The following DTNBP1 variants were observed in gnomAD, a reference collection of about 807,000 sequenced individuals.
DTNBP1 encodes the protein dystrobrevin binding protein 1.
DTNBP1 carries 35 observed loss-of-function variants against 42.8 expected under a neutral mutation model. The ratio of observed to expected loss-of-function variants is 0.82; its 90% CI spans 0.63 to 1.09. The LOEUF (loss-of-function observed/expected upper bound fraction) is 1.09, where lower values mean the gene tolerates loss of function less well. Among genes scored for constraint, DTNBP1 ranks in the 50% least tolerant of loss-of-function variants. DTNBP1 has a pLI of 0.00. For missense variants in DTNBP1, 457 were observed against 424.2 expected, an observed-to-expected ratio of 1.08 and a Z score of -0.68; for synonymous variants, 171 against 162.2, an observed-to-expected ratio of 1.05 and a Z score of -0.41.
At chr6:15,565,052 G>A (rs1237919450) in intron 7 of DTNBP1, among the ~76,000 whole-genome samples, 3 of 152,202 alleles carry the variant, frequency 2.0e-5, no homozygotes, top group African/African-American at 7.2e-5. Context: ...GCTTCAGTGA[G>A]CAGAGATGGC....
intron 8 of DTNBP1, among the ~76,000 whole-genome samples, chr6:15,528,122 T>G (rs998154789): frequency 2.0e-5 from 3 of 152,122 alleles, no homozygotes; most frequent in African/African-American, 7.2e-5. Context: ...GTCAACAAAC[T>G]TGAAACTGTA....
intron 7 of DTNBP1, among the ~76,000 whole-genome samples, chr6:15,575,440 C>T (rs1408186491): frequency 6.6e-6 from 1 of 152,218 alleles, no homozygotes; most frequent in Non-Finnish European, 1.5e-5. Flanking sequence ...GACCACAGAA[C>T]AACTTCTCTT....
At chr6:15,524,866 T>C (rs113096470) in intron 8 of DTNBP1, among the ~76,000 whole-genome samples, 197 bp from the exon 9 acceptor site, 1 of 101,846 alleles carries the variant, frequency 9.8e-6, no homozygotes, top group African/African-American at 5.4e-5. Context: ...GCAACTATTA[T>C]TACCTTTTAC....
intron 7 of DTNBP1, among the ~76,000 whole-genome samples, chr6:15,583,811 G>A (rs1405596823): frequency 6.6e-6 from 1 of 152,052 alleles, no homozygotes; most frequent in Non-Finnish European, 1.5e-5. Flanking sequence ...ATACAATGGT[G>A]GTATATGATC....
intron 6 of DTNBP1, among the ~76,000 whole-genome samples, chr6:15,608,529 T>C (rs959083586): frequency 6.6e-6 from 1 of 152,176 alleles, no homozygotes; most frequent in Non-Finnish European, 1.5e-5. Context: ...TCCCTAGAAA[T>C]TCCCTTGGTG....
At chr6:15,659,077 T>TA (rs1310714990) in intron 1 of DTNBP1, among the ~76,000 whole-genome samples, 1 of 152,236 alleles carries the variant, frequency 6.6e-6, no homozygotes, top group East Asian at 1.9e-4. Context: ...ACACTGCCCT[T>TA]AAAGAACAAT....
chr6:15,549,186 CT>C (rs775142389), intron 7 of DTNBP1, among the ~76,000 whole-genome samples: 27 of 152,076 alleles, frequency 1.8e-4, no homozygotes, highest in Non-Finnish European at 3.4e-4. Flanking sequence ...TGATTTTCTT[CT>C]TTTTAAAGGG....
chr6:15,623,613 G>GA (rs1759168774), intron 5 of DTNBP1, among the ~76,000 whole-genome samples: 1 of 152,012 alleles, frequency 6.6e-6, no homozygotes, highest in Non-Finnish European at 1.5e-5. Context: ...TAGATGAAGG[G>GA]AACAGTCTTT....
In DTNBP1 at chr6:15,524,543, A is replaced by C. The variant is rs766081795; in HGVS notation, c.794T>G (p.Val265Gly). The C allele has an allele frequency of 6.2e-7, 1 of 1,609,628 alleles. No homozygotes were observed. The highest frequency in any genetic ancestry group is 8.5e-7 in the Non-Finnish European group (1 of 1,177,180). Reference protein sequence around the residue: ...FLNSGGEENTVLSPALGPESS... With the variant: ...FLNSGGEENTGLSPALGPESS... ...AACCCTACCTAAGGCGGGGGACAGC[A>C]CAGTGTTCTCTTCTCCTCCAGAGTT... The change falls in exon 9 of 10, where the codon GTG becomes GGG. Residue 265 changes from valine to glycine, a missense_variant. Transcript: ENST00000344537.
intron 7 of DTNBP1, among the ~76,000 whole-genome samples, chr6:15,535,380 G>A (rs144024181): frequency 2.1e-4 from 32 of 152,206 alleles, no homozygotes; most frequent in African/African-American, 6.5e-4. Flanking sequence ...ACAGTGGTGC[G>A]ATCTCAGTTC....
At chr6:15,594,069 T>C (rs1271873087) in intron 6 of DTNBP1, among the ~76,000 whole-genome samples, 1 of 152,240 alleles carries the variant, frequency 6.6e-6, no homozygotes, top group Non-Finnish European at 1.5e-5. Context: ...TTAAATCAGA[T>C]GGTCATCCCA....
At position 15,615,545 on chromosome 6, in the gene DTNBP1, TAAA is replaced by T. The variant is rs759728709; in HGVS notation, c.356-149_356-147del. The T allele has an allele frequency of 5.9e-4, 580 of 988,630 alleles. 1 individual carries two copies. The highest frequency in any genetic ancestry group is 8.2e-4 in the Non-Finnish European group (540 of 659,200). 61.2% of individuals were successfully genotyped at this position (988,630 alleles called of 1,614,324 possible). ...TTTATTAAACTTTCTTGAAGCAAAA[TAAA>T]ATATACTGGCCAACATTAAACCATA... is the stretch of plus-strand genomic sequence containing the variant. On this transcript the variant is annotated intron_variant, in intron 5 of 9. Transcript: ENST00000344537.
chr6:15,552,750 G>A (rs189638568), intron 7 of DTNBP1, among the ~76,000 whole-genome samples: 55 of 152,296 alleles, frequency 3.6e-4, no homozygotes, highest in African/African-American at 1.3e-3. Context: ...ACTGTGATGT[G>A]ATAATGTCCT....
intron 7 of DTNBP1, among the ~76,000 whole-genome samples, chr6:15,536,638 C>T (rs1445893411): frequency 6.6e-6 from 1 of 152,224 alleles, no homozygotes; most frequent in East Asian, 1.9e-4. Context: ...GGGACACAGC[C>T]CTCATGGAGA....
chr6:15,606,464 C>G (rs901172840), intron 6 of DTNBP1, among the ~76,000 whole-genome samples: 1 of 152,156 alleles, frequency 6.6e-6, no homozygotes, highest in East Asian at 1.9e-4. Context: ...GGTTCTGATG[C>G]TGGCCCCTAA....
At position 15,626,925 on chromosome 6, in the gene DTNBP1, C is replaced by T. The variant is rs190883195; in HGVS notation, c.355+418G>A. Among the ~76,000 whole-genome samples, 28 of 152,174 alleles carry T rather than the reference C, an allele frequency of 1.8e-4. No homozygotes were observed. In the East Asian group the frequency reaches 3.1e-3, roughly 17 times the overall value. ...AACCAGGTTTGTTTGATCTCCAATC[C>T]GTTTGAAGAGAAAAAAATACACTAC... On this transcript the variant is annotated intron_variant, in intron 5 of 9. Coordinates refer to ENST00000344537, the MANE Select transcript of DTNBP1 (RefSeq NM_032122.5).
intron 6 of DTNBP1, among the ~76,000 whole-genome samples, chr6:15,598,638 C>G (rs921328043): frequency 5.8e-5 from 7 of 121,710 alleles, no homozygotes; most frequent in Non-Finnish European, 8.0e-5. Context: ...AGTCAGAGGT[C>G]TGTTGTTTTC....
chr6:15,585,629 C>T (rs1158289688), intron 7 of DTNBP1: 1 of 1,407,710 alleles, frequency 7.1e-7, no homozygotes, highest in African/African-American at 1.4e-5. Context: ...CATCTGCATA[C>T]CATGCAAATA....
intron 4 of DTNBP1, among the ~76,000 whole-genome samples, chr6:15,632,510 T>C (rs2619545): frequency 0.26 from 38,834 of 152,004 alleles, 5,713 homozygotes; most frequent in African/African-American, 0.4. Context: ...AGAAACAAAC[T>C]TACCATCTAC....
Sources: gnomAD v4.1 joint callset for allele counts (sites outside exome capture counted in the v4.1 genomes callset) on GRCh38, gnomAD v4.1.1 for gene constraint, MANE v1.5 for transcripts, NCBI Gene and HGNC (gene_info 2026-07-23, HGNC 2026-07-21) for gene names.